The following NUP214 variants were observed in gnomAD, a reference collection of about 807,000 sequenced individuals.
The protein encoded by NUP214 is nucleoporin 214.
Under a neutral mutation model 196.2 loss-of-function variants are expected in NUP214, and 79 were observed. The observed-to-expected ratio is 0.40, with a 90% CI of 0.34 to 0.49. The LOEUF (loss-of-function observed/expected upper bound fraction) is 0.49. NUP214 is among the 20% of genes least tolerant of loss of function. The pLI is 0.58. For missense variants in NUP214, 2,468 were observed against 2,539.0 expected (o/e 0.97, Z 0.60); for synonymous variants, 1,020 against 990.5 (o/e 1.03, Z -0.56).
intron 21 of NUP214, among the ~76,000 whole-genome samples, chr9:131,173,267 A>C (rs1417095786): frequency 6.6e-6 from 1 of 151,172 alleles, no homozygotes; most frequent in Non-Finnish European, 1.5e-5. Context: ...CATATTTGCC[A>C]GGCTGGTCTT....
intron 27 of NUP214, among the ~76,000 whole-genome samples, chr9:131,193,568 T>C (rs1046103779): frequency 1.3e-5 from 2 of 148,926 alleles, no homozygotes; most frequent in Admixed American, 6.8e-5. Context: ...CCAAGAATTA[T>C]TGCATCCTTT....
At chr9:131,163,652 C>G (rs1199783236) in intron 19 of NUP214, among the ~76,000 whole-genome samples, 1 of 152,070 alleles carries the variant, frequency 6.6e-6, no homozygotes, top group African/African-American at 2.4e-5. Flanking sequence ...ACTTTTTCTA[C>G]TGAGGCACCA....
chr9:131,151,486 G>A (rs990892284), intron 16 of NUP214, among the ~76,000 whole-genome samples: 6 of 152,158 alleles, frequency 3.9e-5, no homozygotes, highest in African/African-American at 1.4e-4. Context: ...TAGTGTTAGA[G>A]CTACTGTCTT....
intron 25 of NUP214, among the ~76,000 whole-genome samples, 195 bp downstream of exon 25, chr9:131,187,559 G>T (rs1439975984): frequency 6.6e-6 from 1 of 152,024 alleles, no homozygotes; most frequent in South Asian, 2.1e-4. Context: ...GTCAATTTTT[G>T]TAGTTTTAGT....
At chr9:131,159,193 CCTGAGCCA>C in intron 17 of NUP214, 182 bp from the exon 18 acceptor site, 1 of 582,940 alleles carries the variant, frequency 1.7e-6, no homozygotes, top group Non-Finnish European at 3.0e-6. Flanking sequence ...GGATTATAGG[CCTGAGCCA>C]CTACACCCGG....
chr9:131,158,973 C>T, intron 17 of NUP214: 1 of 157,080 alleles, frequency 6.4e-6, no homozygotes, highest in Non-Finnish European at 1.4e-5. Context: ...TCTTGAGCTC[C>T]TGACCTCAAG....
intron 18 of NUP214, among the ~76,000 whole-genome samples, chr9:131,162,147 A>G (rs573134173): frequency 6.6e-6 from 1 of 152,192 alleles, no homozygotes; most frequent in Non-Finnish European, 1.5e-5. Context: ...ACTGACTACT[A>G]TAGACAATTG....
chr9:131,169,104 C>T (rs1454067045), intron 21 of NUP214, among the ~76,000 whole-genome samples: 1 of 145,108 alleles, frequency 6.9e-6, no homozygotes, highest in Non-Finnish European at 1.5e-5. Flanking sequence ...ATGATCTCAG[C>T]TCACTGCAAC....
intron 27 of NUP214, among the ~76,000 whole-genome samples, chr9:131,193,629 CTTTTTTTTTTTTTTTTTTTTTTTTT>C (rs71389402): frequency 7.1e-5 from 2 of 28,218 alleles, no homozygotes; most frequent in Non-Finnish European, 1.3e-4. Context: ...TCTTCCTTTT[CTTTTTTTTTTTTTTTTTTTTTTTTT>C]TTTTTTTTGG....
chr9:131,222,791 A>G lies in NUP214; in HGVS notation c.5763A>G (p.Leu1921=), dbSNP rs1356862783. 1 of 1,613,960 alleles carries G rather than the reference A, an allele frequency of 6.2e-7. No individual in the cohort carries two copies. The highest frequency in any genetic ancestry group is 1.1e-5 in the South Asian group (1 of 91,056). ...GSTATSNTSN[L]FGNSGAKTFG... ...TCATCTCTTCAGATACCTCTAACCT[A>G]TTTGGAAACAGTGGGGCCAAGACAT... The change falls in exon 32 of 36, where the codon CTA becomes CTG. Residue 1921 remains leucine, a synonymous_variant. Coordinates refer to ENST00000359428, the MANE Select transcript of NUP214 (RefSeq NM_005085.4).
chr9:131,148,864 A>C (rs1036573108), intron 14 of NUP214, among the ~76,000 whole-genome samples: 8 of 152,064 alleles, frequency 5.3e-5, no homozygotes, highest in African/African-American at 1.9e-4. Context: ...TGTTTCTTTG[A>C]TGAATACACA....
chr9:131,165,166 T>G (rs1039569141), intron 21 of NUP214: 2 of 152,216 alleles, frequency 1.3e-5, no homozygotes, highest in African/African-American at 4.8e-5. Context: ...GGCATGCACC[T>G]GTAATCTTAG....
At chr9:131,159,586 G>A (rs1564189923) in intron 18 of NUP214, 100 bp downstream of exon 18, 9 of 995,014 alleles carry the variant, frequency 9.0e-6, no homozygotes, top group East Asian at 2.6e-5. Flanking sequence ...GGCCGGGTGC[G>A]GTGGCTCACG....
At position 131,163,116 on chromosome 9, in the gene NUP214, A is replaced by G. The variant is rs576802147; in HGVS notation, c.2666A>G (p.Lys889Arg). Reference sequence around the variant, plus strand: ...AGTCTTCAGCAGCTCCGCCTTTACAAACAGACTTCCCTGTGGAGCCTGTCC... The same window carrying G: ...AGTCTTCAGCAGCTCCGCCTTTACAGACAGACTTCCCTGTGGAGCCTGTCC... ...VDSLQQLRLY[K>R]QTSLWSLSSA... The change falls in exon 19 of 36, where the codon AAA becomes AGA. Residue 889 changes from lysine to arginine, a missense_variant. Coordinates refer to ENST00000359428, the MANE Select transcript of NUP214 (RefSeq NM_005085.4). The G allele has an allele frequency of 3.1e-6, 5 of 1,614,164 alleles. No homozygotes were observed. The African/African-American group carries it at 5.3e-5, about 17-fold the overall frequency.
intron 17 of NUP214, 22 bp downstream of exon 17, chr9:131,151,916 G>C (rs752734080): frequency 3.3e-6 from 5 of 1,534,830 alleles, no homozygotes; most frequent in Non-Finnish European, 3.5e-6. Context: ...ATGTAAATCT[G>C]TTTAAAAGAT....
intron 24 of NUP214, among the ~76,000 whole-genome samples, chr9:131,181,451 G>A (rs1833276131): frequency 6.6e-6 from 1 of 152,172 alleles, no homozygotes; most frequent in Admixed American, 6.5e-5. Flanking sequence ...CAACAGCAAT[G>A]TATGGGGGTT....
Position 131,132,649 on chromosome 9 carries a change from T to A in NUP214, c.717T>A (p.His239Gln). ...IPCPPFYESD[H>Q]PVRVLDVLWI... ...GTCCTCCGTTTTATGAGTCAGATCATCCTGTCAGAGGTAACAACTGCTTTT... is the reference window on the plus strand; with the variant it reads ...GTCCTCCGTTTTATGAGTCAGATCAACCTGTCAGAGGTAACAACTGCTTTT... The change falls in exon 6 of 36, where the codon CAT becomes CAA. Residue 239 changes from histidine (H) to glutamine (Q), a missense_variant. Physicochemically the swap from His to Gln is conservative, Grantham distance 24 (BLOSUM62 0). This residue lies in a region of NUP214 where 392 missense variants were observed against 417.9 expected (regional missense o/e 0.94). Coordinates refer to ENST00000359428, the MANE Select transcript of NUP214 (RefSeq NM_005085.4). 1.9e-6 allele frequency: 3 copies of A among 1,614,020 alleles called. No individual in the cohort carries two copies. Among genetic ancestry groups the A allele is most frequent in the Non-Finnish European group, 2.5e-6 (3 of 1,179,874 alleles).
At chr9:131,173,966 A>T (rs78280268) in intron 21 of NUP214, 89 bp from the exon 22 acceptor site, 23 of 1,155,166 alleles carry the variant, frequency 2.0e-5, no homozygotes, top group Non-Finnish European at 2.5e-5. Context: ...CAAGTTGAGT[A>T]TTTTTTTTTT....
At chr9:131,176,036 G>T (rs1207841720) in intron 23 of NUP214, among the ~76,000 whole-genome samples, 4 of 152,038 alleles carry the variant, frequency 2.6e-5, no homozygotes, top group African/African-American at 7.3e-5. Flanking sequence ...TGGCTATTTT[G>T]GCTGGGCATA....
Sources: gnomAD v4.1 joint callset for allele counts (sites outside exome capture counted in the v4.1 genomes callset) on GRCh38, gnomAD v4.1.1 for gene constraint, gnomAD v4.1.1 regional missense constraint, MANE v1.5 for transcripts, NCBI Gene and HGNC (gene_info 2026-07-23, HGNC 2026-07-21) for gene names.